RAD50: variants seen among roughly 807,000 people sequenced by gnomAD.
RAD50 encodes the protein RAD50 double strand break repair protein.
Under a neutral mutation model 168.8 loss-of-function variants are expected in RAD50, and 132 were observed. The observed-to-expected ratio is 0.78, with a 90% confidence interval of 0.68 to 0.90. The LOEUF (loss-of-function observed/expected upper bound fraction) is 0.90. Ranked by LOEUF, RAD50 falls within the 40% of genes least tolerant of loss-of-function variation. The pLI is 0.00. For synonymous variants in RAD50, 525 were observed against 497.4 expected (o/e 1.06, Z -0.74); for missense variants, 1,347 against 1,534.4 (o/e 0.88, Z 2.04).
chr5:132,618,207 A>G lies in RAD50; in HGVS notation c.3302A>G (p.Glu1101Gly), dbSNP rs756702059. 3 of 1,614,036 alleles carry G rather than the reference A, an allele frequency of 1.9e-6. No homozygotes were observed. The highest frequency in any genetic ancestry group is 2.5e-6 in the Non-Finnish European group (3 of 1,179,968). Residue 1101 changes from glutamate to glycine, a missense_variant, in exon 21 of 25, where the codon GAG becomes GGG. Physicochemically the swap from Glu to Gly is moderately conservative, Grantham distance 98 (BLOSUM62 -2). Around this residue, in one of 3 missense-constraint regions of RAD50, gnomAD observed 635 missense variants for 739.2 expected, o/e 0.86. Transcript: ENST00000378823. ...ELREPQFRDA[E>G]EKYREMMIVM... ...CGAGAACCACAATTTCGGGATGCTG[A>G]GGAAAAGTATAGAGAAATGATGATT...
chr5:132,577,383 T>G (rs1234417938), intron 3 of RAD50, among the ~76,000 whole-genome samples: 1 of 152,212 alleles, frequency 6.6e-6, no homozygotes, highest in East Asian at 1.9e-4. Context: ...ACACCCTAAT[T>G]CCATCTGTAA....
intron 2 of RAD50, among the ~76,000 whole-genome samples, chr5:132,569,629 C>T (rs1580981530): frequency 6.6e-6 from 1 of 152,202 alleles, no homozygotes; most frequent in African/African-American, 2.4e-5. Flanking sequence ...TTAACCAAAT[C>T]AACCTGATTG....
chr5:132,570,412 T>G (rs1750281837), intron 2 of RAD50, among the ~76,000 whole-genome samples: 1 of 152,238 alleles, frequency 6.6e-6, no homozygotes, highest in African/African-American at 2.4e-5. Context: ...TTGTCTACAT[T>G]GAAAATCTGT....
At chr5:132,636,424 G>A (rs1408813406) in intron 21 of RAD50, among the ~76,000 whole-genome samples, 2 of 152,148 alleles carry the variant, frequency 1.3e-5, no homozygotes, top group Admixed American at 1.3e-4. Flanking sequence ...AAATATGGAA[G>A]TTAATATTTA....
At position 132,581,389 on chromosome 5, in the gene RAD50, G is replaced by A. The variant is rs543146345; in HGVS notation, c.756+1323G>A. On this transcript the variant is annotated intron_variant, in intron 5 of 24. Coordinates refer to ENST00000378823, the MANE Select transcript of RAD50 (RefSeq NM_005732.4). The stretch of plus-strand genomic sequence containing the variant: ...CCCGCCTCGGCCTCCCAAAGTGCAG[G>A]GATTACAGGCGTGAGCCACCGCACC... Among the ~76,000 whole-genome samples the A allele has an allele frequency of 7.9e-5, 12 of 152,240 alleles. No homozygotes were observed. The East Asian group carries it at 2.1e-3, about 27-fold the overall frequency.
At chr5:132,617,955 T>C in intron 20 of RAD50, 115 bp from the exon 21 acceptor site, 2 of 894,548 alleles carry the variant, frequency 2.2e-6, no homozygotes, top group South Asian at 1.4e-5. Flanking sequence ...TGTTATAATA[T>C]ACTGATTGCT....
At chr5:132,638,259 C>T in intron 23 of RAD50, 36 bp downstream of exon 23, 1 of 1,612,204 alleles carries the variant, frequency 6.2e-7, no homozygotes, top group Non-Finnish European at 8.5e-7. Context: ...CCAACTCACC[C>T]AAGTAACTGA....
At chr5:132,587,891 T>A (rs1168601806) in intron 6 of RAD50, 33 bp from the exon 7 acceptor site, 2 of 1,603,718 alleles carry the variant, frequency 1.2e-6, no homozygotes, top group Non-Finnish European at 1.7e-6. Context: ...CTTATGTTTG[T>A]ACATTAAAGC....
At chr5:132,582,521 TC>T (rs1304488931) in intron 5 of RAD50, among the ~76,000 whole-genome samples, 1 of 152,162 alleles carries the variant, frequency 6.6e-6, no homozygotes, top group African/African-American at 2.4e-5. Flanking sequence ...CTAGAATGCA[TC>T]CTTTCCCATT....
intron 13 of RAD50, among the ~76,000 whole-genome samples, chr5:132,598,937 C>T (rs867719512): frequency 1.6e-4 from 24 of 152,076 alleles, no homozygotes; most frequent in African/African-American, 5.8e-4. Flanking sequence ...GGAAGAGTGT[C>T]GAAGTACTTG....
chr5:132,588,837 G>C lies in RAD50; in HGVS notation c.1202G>C (p.Arg401Thr), dbSNP rs768858742. The C allele has an allele frequency of 1.1e-5, 17 of 1,613,898 alleles. No individual in the cohort carries two copies. Among genetic ancestry groups the C allele is most frequent in the Non-Finnish European group, 1.4e-5 (17 of 1,179,950 alleles). Residue 401 changes from arginine to threonine, a missense_variant, in exon 8 of 25, where the codon AGA becomes ACA. Physicochemically the swap from Arg to Thr is moderately conservative, Grantham distance 71 (BLOSUM62 -1). This residue lies in a region of RAD50 where 703 missense variants were observed against 767.7 expected (regional missense o/e 0.92). Coordinates refer to ENST00000378823, the MANE Select transcript of RAD50 (RefSeq NM_005732.4). Reference protein sequence around the residue: ...RQIKNFHKLVRERQEGEAKTA... With the variant: ...RQIKNFHKLVTERQEGEAKTA... Reference sequence around the variant, plus strand: ...ATTAAAAATTTTCACAAACTTGTGAGAGAGAGACAAGAAGGGGAAGCAAAA... The same window carrying C: ...ATTAAAAATTTTCACAAACTTGTGACAGAGAGACAAGAAGGGGAAGCAAAA...
At position 132,565,849 on chromosome 5, in the gene RAD50, G is replaced by T. The variant is rs370927249; in HGVS notation, c.213+6482G>T. Among the ~76,000 whole-genome samples, 6 of 152,024 alleles carry T rather than the reference G, an allele frequency of 3.9e-5. No homozygotes were observed. In the East Asian group the frequency reaches 7.7e-4, roughly 20 times the overall value. On this transcript the variant is annotated intron_variant, in intron 2 of 24. Coordinates refer to ENST00000378823, the MANE Select transcript of RAD50 (RefSeq NM_005732.4). ...TATTTGTGGATTCCTCTTTCATCCT[G>T]CTGGAACTCTGATACCATTGGACTC... is the stretch of plus-strand genomic sequence containing the variant.
intron 5 of RAD50, among the ~76,000 whole-genome samples, chr5:132,585,510 G>A (rs941624186): frequency 1.9e-4 from 28 of 149,502 alleles, no homozygotes; most frequent in Admixed American, 3.3e-4. Context: ...GAATATCTTC[G>A]TTAGTAAAAT....
At chr5:132,592,742 T>A in intron 11 of RAD50, 1 of 446,158 alleles carries the variant, frequency 2.2e-6, no homozygotes, top group Non-Finnish European at 4.8e-6. Context: ...TAGCCATTGC[T>A]TTCATTGTGC....
At chr5:132,561,415 C>T (rs1487212829) in intron 2 of RAD50, among the ~76,000 whole-genome samples, 1 of 152,002 alleles carries the variant, frequency 6.6e-6, no homozygotes, top group African/African-American at 2.4e-5. Context: ...CTGGTCTCAA[C>T]CTCCTCACCT....
rs759072525 is a variant in RAD50 at position 132,591,190 on chromosome 5, TA to T, written c.1453-32del. ...TATTTTAATTCTTGCACAAAATATA[TA>T]ACACCTTTGCATTTGTATGAATTAT... On this transcript the variant is annotated intron_variant, in intron 9 of 24. Coordinates refer to ENST00000378823, the MANE Select transcript of RAD50 (RefSeq NM_005732.4). 4.5e-6 allele frequency: 7 copies of T among 1,557,368 alleles called. No individual in the cohort carries two copies. In the South Asian group the frequency reaches 6.7e-5, roughly 15 times the overall value.
chr5:132,634,680 G>A (rs1393494967), intron 21 of RAD50, among the ~76,000 whole-genome samples: 2 of 151,986 alleles, frequency 1.3e-5, no homozygotes, highest in Non-Finnish European at 2.9e-5. Flanking sequence ...TAAATTTGAT[G>A]CTTGCTGTGG....
Position 132,587,588 on chromosome 5 carries a change from T to TC in RAD50, c.784dup (p.Leu262ProfsTer3). 6.2e-7 allele frequency: 1 copy of TC among 1,613,204 alleles called. No individual in the cohort carries two copies. The highest frequency in any genetic ancestry group is 8.5e-7 in the Non-Finnish European group (1 of 1,179,686). On this transcript the variant is annotated frameshift_variant, in exon 6 of 25. Coordinates refer to ENST00000378823, the MANE Select transcript of RAD50 (RefSeq NM_005732.4). LOFTEE classifies it high-confidence loss of function. ...ATCGTCTAAAAGAAATTGAACATAATCTCTCTAAAATAATGAAACTTGACA... is the reference window on the plus strand; with the variant it reads ...ATCGTCTAAAAGAAATTGAACATAATCCTCTCTAAAATAATGAAACTTGACA...
At chr5:132,568,222 G>A (rs913506207) in intron 2 of RAD50, among the ~76,000 whole-genome samples, 2 of 151,764 alleles carry the variant, frequency 1.3e-5, no homozygotes, top group African/African-American at 2.4e-5. Flanking sequence ...AGGTGCCCAC[G>A]ACCATGCCCG....
Sources: gnomAD v4.1 joint callset for allele counts (sites outside exome capture counted in the v4.1 genomes callset) on GRCh38, gnomAD v4.1.1 for gene constraint, gnomAD v4.1.1 regional missense constraint, MANE v1.5 for transcripts, NCBI Gene and HGNC (gene_info 2026-07-23, HGNC 2026-07-21) for gene names.